The following DPP6 variants were observed in gnomAD, a reference collection of about 807,000 sequenced individuals.
DPP6 encodes the protein dipeptidyl peptidase like 6, also known as A-type potassium channel modulatory protein DPP6.
Under a neutral mutation model 122.6 loss-of-function variants are expected in DPP6, and 69 were observed. The observed-to-expected ratio is 0.56, with a 90% CI of 0.46 to 0.69. The LOEUF (loss-of-function observed/expected upper bound fraction) is 0.69. Among genes scored for constraint, DPP6 ranks in the 30% least tolerant of loss-of-function variants. DPP6 has a pLI of 0.00. For synonymous variants in DPP6, 418 were observed against 433.1 expected, an observed-to-expected ratio of 0.97 and a Z score of 0.43; for missense variants, 928 against 1,116.9, an observed-to-expected ratio of 0.83 and a Z score of 2.41.
At chr7:154,587,485 G>A in intron 5 of DPP6, 3 of 739,428 alleles carry the variant, frequency 4.1e-6, no homozygotes, top group Non-Finnish European at 2.2e-6. Flanking sequence ...GCAAGACACA[G>A]CTTCATGCAA....
At chr7:154,066,438 C>T (rs542134217) in intron 1 of DPP6, among the ~76,000 whole-genome samples, 2 of 152,308 alleles carry the variant, frequency 1.3e-5, no homozygotes, top group Admixed American at 6.5e-5. Flanking sequence ...CTGTTGTGCC[C>T]TGGAGCCAGG....
chr7:154,869,353 C>A (rs1804179640), intron 18 of DPP6, among the ~76,000 whole-genome samples: 1 of 152,222 alleles, frequency 6.6e-6, no homozygotes, highest in Non-Finnish European at 1.5e-5. Context: ...AAAACAGGTC[C>A]CCCAAACAGT....
At chr7:154,751,328 G>C (rs1418375828) in intron 8 of DPP6, among the ~76,000 whole-genome samples, 1 of 152,020 alleles carries the variant, frequency 6.6e-6, no homozygotes, top group South Asian at 2.1e-4. Flanking sequence ...TGGCCGGCAC[G>C]ATGGCTCATG....
intron 1 of DPP6, among the ~76,000 whole-genome samples, chr7:153,924,131 T>TTA (rs1554408639): frequency 6.6e-5 from 10 of 150,964 alleles, no homozygotes; most frequent in South Asian, 6.3e-4. Flanking sequence ...TTTTTTTTTT[T>TTA]TTCGAGACGG....
At chr7:153,831,280 A>G in the DPP6 span, among the ~76,000 whole-genome samples, 1 of 152,212 alleles carries the variant, frequency 6.6e-6, no homozygotes, top group Non-Finnish European at 1.5e-5. Context: ...ATTCTAGAGG[A>G]GGAGCTAACA....
chr7:154,811,356 G>A (rs1799049446), intron 16 of DPP6, among the ~76,000 whole-genome samples: 1 of 152,344 alleles, frequency 6.6e-6, no homozygotes, highest in African/African-American at 2.4e-5. Flanking sequence ...GGGGAAAGCT[G>A]AGCAGGCATT....
At chr7:154,057,322 C>T (rs1800919793) in intron 1 of DPP6, 1 of 153,860 alleles carries the variant, frequency 6.5e-6, no homozygotes, top group African/African-American at 2.5e-5. Context: ...TCTTGTGACC[C>T]CCATCACAGG....
chr7:154,159,666 G>A (rs1205932418), intron 1 of DPP6, among the ~76,000 whole-genome samples: 1 of 152,410 alleles, frequency 6.6e-6, no homozygotes, highest in Non-Finnish European at 1.5e-5. Flanking sequence ...AGATGTCAGG[G>A]AGCCATCAGG....
At chr7:154,455,076 T>C (rs1189321943) in intron 2 of DPP6, among the ~76,000 whole-genome samples, 2 of 152,194 alleles carry the variant, frequency 1.3e-5, no homozygotes, top group African/African-American at 4.8e-5. Flanking sequence ...ATCTCTCTGC[T>C]GCCATCAGTA....
At chr7:153,934,123 A>G (rs1229438413) in intron 1 of DPP6, among the ~76,000 whole-genome samples, 2 of 152,158 alleles carry the variant, frequency 1.3e-5, no homozygotes, top group Non-Finnish European at 2.9e-5. Flanking sequence ...GCTCTCAGGG[A>G]CACCATCCCT....
At chr7:153,789,643 A>G in the DPP6 span, among the ~76,000 whole-genome samples, 5 of 152,200 alleles carry the variant, frequency 3.3e-5, no homozygotes, top group Non-Finnish European at 7.4e-5. Context: ...TATTGATGAG[A>G]GAAAGAAGAA....
chr7:154,429,758 G>A (rs1381754459), intron 1 of DPP6, among the ~76,000 whole-genome samples: 1 of 152,178 alleles, frequency 6.6e-6, no homozygotes, highest in African/African-American at 2.4e-5. Flanking sequence ...GGAGTACCGG[G>A]GTTAGGCAGG....
chr7:153,972,427 T>C (rs1380403388), intron 1 of DPP6, among the ~76,000 whole-genome samples: 4 of 152,074 alleles, frequency 2.6e-5, no homozygotes, highest in African/African-American at 9.7e-5. Flanking sequence ...GTGTGAAGCA[T>C]GGGGCTAGCT....
At chr7:154,448,460 G>T (rs1452300097) in intron 2 of DPP6, among the ~76,000 whole-genome samples, 1 of 152,136 alleles carries the variant, frequency 6.6e-6, no homozygotes, top group Non-Finnish European at 1.5e-5. Context: ...TATCTTATAT[G>T]AATTGATTGA....
rs184647372 is a variant in DPP6 at position 154,115,253 on chromosome 7, A to G, written c.243+62190A>G. Reference sequence around the variant, plus strand: ...CCCCCCTTCTGCCACTCATCAGCTCATGGTAAACAGAGGCCACTTAGGCAC... The same window carrying G: ...CCCCCCTTCTGCCACTCATCAGCTCGTGGTAAACAGAGGCCACTTAGGCAC... On this transcript the variant is annotated intron_variant, in intron 1 of 25. Coordinates refer to ENST00000377770, the MANE Select transcript of DPP6 (RefSeq NM_130797.4). Among the ~76,000 whole-genome samples the G allele has an allele frequency of 1.4e-3, 220 of 152,304 alleles. 1 individual carries two copies. Among genetic ancestry groups the G allele is most frequent in the Non-Finnish European group, 2.2e-3 (152 of 68,030 alleles).
chr7:154,513,085 C>A (rs761229625), intron 3 of DPP6, among the ~76,000 whole-genome samples: 1 of 152,090 alleles, frequency 6.6e-6, no homozygotes, highest in East Asian at 1.9e-4. Flanking sequence ...TACACTAGTT[C>A]TTTCATTATT....
intron 1 of DPP6, among the ~76,000 whole-genome samples, chr7:154,156,663 A>G (rs1013405335): frequency 6.6e-6 from 1 of 152,234 alleles, no homozygotes. Context: ...TCCTTGTTTA[A>G]TAAAATGTCT....
At chr7:153,991,798 A>G (rs2129042538) in intron 1 of DPP6, among the ~76,000 whole-genome samples, 1 of 152,182 alleles carries the variant, frequency 6.6e-6, no homozygotes, top group Middle Eastern at 3.4e-3. Context: ...CTGCCTCTCC[A>G]GCACCTTACT....
intron 1 of DPP6, among the ~76,000 whole-genome samples, chr7:154,185,969 A>G (rs1175929670): frequency 6.6e-6 from 1 of 152,190 alleles, no homozygotes; most frequent in Non-Finnish European, 1.5e-5. Context: ...CATTGAAATG[A>G]TGGAACTCTG....
Sources: gnomAD v4.1 joint callset for allele counts (sites outside exome capture counted in the v4.1 genomes callset) on GRCh38, gnomAD v4.1.1 for gene constraint, MANE v1.5 for transcripts, NCBI Gene and HGNC (gene_info 2026-07-23, HGNC 2026-07-21) for gene names.